Variants in EFR3B observed in about 807,000 individuals in gnomAD.
EFR3B encodes the protein protein EFR3 homolog B.
EFR3B carries 64 observed loss-of-function variants against 104.7 expected under a neutral mutation model. The ratio of observed to expected loss-of-function variants is 0.61; its 90% CI spans 0.50 to 0.75. The LOEUF is 0.75. Among genes scored for constraint, EFR3B ranks in the 30% least tolerant of loss-of-function variants. The pLI, the probability that EFR3B is intolerant of heterozygous loss-of-function variation, is 0.00. For missense variants in EFR3B, 750 were observed against 1,078.5 expected, an observed-to-expected ratio of 0.70 and a Z score of 4.27; for synonymous variants, 385 against 417.9, an observed-to-expected ratio of 0.92 and a Z score of 0.96.
intron 10 of EFR3B, among the ~76,000 whole-genome samples, chr2:25,132,644 C>G (rs571648408): frequency 4.0e-5 from 6 of 151,896 alleles, no homozygotes; most frequent in Admixed American, 6.6e-5. Flanking sequence ...ATCCCCACCC[C>G]CTAGCCAAGG....
In EFR3B at chr2:25,136,467, T is replaced by G; in HGVS notation, c.1485-56T>G. The G allele has an allele frequency of 2.3e-5, 33 of 1,423,158 alleles. No individual in the cohort carries two copies. The highest frequency in any genetic ancestry group is 3.0e-5 in the Non-Finnish European group (31 of 1,032,644). 88.2% of individuals were successfully genotyped at this position (1,423,158 alleles called of 1,614,324 possible). The stretch of plus-strand genomic sequence containing the variant: ...GGGGATAAAGCTCAGTGACCCCGTG[T>G]GAGCTCAGGCTGGCCTCATGCAAGG... On this transcript the variant is annotated intron_variant, in intron 13 of 22. Transcript: ENST00000403714. The surrounding 1 kb of genome is among the most constrained non-coding windows in gnomAD (Gnocchi z 4.0).
At chr2:25,122,798 G>A (rs1670051178) in intron 5 of EFR3B, among the ~76,000 whole-genome samples, 1 of 151,930 alleles carries the variant, frequency 6.6e-6, no homozygotes, top group South Asian at 2.1e-4. Context: ...TGTGTTTCTT[G>A]TTCACCACCT....
intron 3 of EFR3B, among the ~76,000 whole-genome samples, chr2:25,100,651 C>G (rs1669406951): frequency 6.6e-6 from 1 of 152,194 alleles, no homozygotes; most frequent in Non-Finnish European, 1.5e-5. Flanking sequence ...TGCCACCGCG[C>G]CTGGCTAATT....
intron 1 of EFR3B, among the ~76,000 whole-genome samples, chr2:25,061,918 G>A (rs774922852): frequency 6.6e-6 from 1 of 152,104 alleles, no homozygotes; most frequent in Non-Finnish European, 1.5e-5. Context: ...CTAGGTGGAA[G>A]GATCATGGAT....
At chr2:25,059,956 T>A (rs1164699034) in intron 1 of EFR3B, among the ~76,000 whole-genome samples, 1 of 150,284 alleles carries the variant, frequency 6.7e-6, no homozygotes, top group African/African-American at 2.5e-5. Flanking sequence ...CCCAGCACTT[T>A]GGGAGGCTGA....
chr2:25,130,190 G>T lies in EFR3B; in HGVS notation c.770+81G>T. The T allele has an allele frequency of 6.5e-7, 1 of 1,536,210 alleles. No homozygotes were observed. Among genetic ancestry groups the T allele is most frequent in the Non-Finnish European group, 8.8e-7 (1 of 1,136,532 alleles). ...GTCCCTGGCATCTCCTGGCTGGCTG[G>T]GGGGAAGGGGATATTACAGTTGTGG... On this transcript the variant is annotated intron_variant, in intron 7 of 22. Coordinates refer to ENST00000403714, the MANE Select transcript of EFR3B (RefSeq NM_014971.2). This position sits in a 1 kb window ranked among gnomAD's most constrained non-coding sequence, Gnocchi z 4.6.
intron 1 of EFR3B, chr2:25,080,116 A>G: frequency 1.9e-6 from 2 of 1,030,140 alleles, no homozygotes; most frequent in Non-Finnish European, 3.1e-6. Context: ...TACTGCCGTG[A>G]CTATACCCTG....
intron 1 of EFR3B, chr2:25,080,896 C>T: frequency 1.3e-6 from 1 of 792,162 alleles, no homozygotes; most frequent in Non-Finnish European, 2.3e-6. Flanking sequence ...ACCATGTTTT[C>T]TGCTGCGGAA....
chr2:25,117,615 G>A (rs1573214743), intron 4 of EFR3B, among the ~76,000 whole-genome samples: 2 of 152,158 alleles, frequency 1.3e-5, no homozygotes, highest in Admixed American at 6.5e-5. Flanking sequence ...GTTTCTCCGT[G>A]TGGGCAGGCT....
intron 1 of EFR3B, among the ~76,000 whole-genome samples, chr2:25,078,415 A>G (rs1668694126): frequency 2.0e-5 from 3 of 152,238 alleles, no homozygotes; most frequent in African/African-American, 7.2e-5. Flanking sequence ...GAAGATTGCA[A>G]AGCTGAGAAA....
chr2:25,073,167 G>T (rs1460545486), intron 1 of EFR3B, among the ~76,000 whole-genome samples: 3 of 152,112 alleles, frequency 2.0e-5, no homozygotes, highest in African/African-American at 7.2e-5. Context: ...CCAGGGAGCT[G>T]CCAGTTATGG....
At chr2:25,056,966 A>G (rs767370135) in intron 1 of EFR3B, among the ~76,000 whole-genome samples, 1 of 152,142 alleles carries the variant, frequency 6.6e-6, no homozygotes, top group African/African-American at 2.4e-5. Context: ...CAGTTTCACC[A>G]TCCGTAAACT....
intron 1 of EFR3B, among the ~76,000 whole-genome samples, chr2:25,089,004 C>T (rs969867847): frequency 1.3e-5 from 2 of 152,150 alleles, no homozygotes; most frequent in South Asian, 2.1e-4. Context: ...TGTGTGGTGG[C>T]GGCTCCTGGA....
chr2:25,129,883 C>G (rs1670281107), intron 6 of EFR3B, 92 bp from the exon 7 acceptor site: 6 of 1,478,580 alleles, frequency 4.1e-6, no homozygotes, highest in Non-Finnish European at 5.4e-6. Flanking sequence ...TCCTGCTTGT[C>G]TTGTGTGGAT....
At chr2:25,146,061 C>T (rs913943525) in intron 19 of EFR3B, 1 of 151,362 alleles carries the variant, frequency 6.6e-6, no homozygotes, top group Admixed American at 6.7e-5. Flanking sequence ...CATCTCTCCC[C>T]TAACCACTGA....
rs767559729 is a variant in EFR3B at position 25,142,944 on chromosome 2, T to TA, written c.1923-770dup. ...GGAAACACAGTGAGGACCCTGTCTT[T>TA]AAAAAAAAAAAAAAAAAAAAAGGCT... is the stretch of plus-strand genomic sequence containing the variant. On this transcript the variant is annotated intron_variant, in intron 17 of 22. Coordinates refer to ENST00000403714, the MANE Select transcript of EFR3B (RefSeq NM_014971.2). Among the ~76,000 whole-genome samples the TA allele has an allele frequency of 9.0e-3, 983 of 109,258 alleles. 9 individuals carry two copies. The highest frequency in any genetic ancestry group is 0.018 in the African/African-American group (521 of 29,136). The allele number at this position is 109,258 out of a possible 152,430, so 71.7% of individuals were successfully genotyped here.
At position 25,050,027 on chromosome 2, in the gene EFR3B, G is replaced by A. The variant is rs140132415; in HGVS notation, c.7+7708G>A. On this transcript the variant is annotated intron_variant, in intron 1 of 22. Coordinates refer to ENST00000403714, the MANE Select transcript of EFR3B (RefSeq NM_014971.2). ...TGCCTATAATCCCAGCTACTTGGGA[G>A]GCTGAGGTAGGAGAATCACTTCAAC... 8.4e-4 allele frequency among the ~76,000 whole-genome samples: 128 copies of A among 151,976 alleles called. 3 individuals are homozygous for A. In the East Asian group the frequency reaches 0.018, roughly 21 times the overall value.
At chr2:25,090,989 A>C (rs2149184466) in intron 1 of EFR3B, among the ~76,000 whole-genome samples, 1 of 152,258 alleles carries the variant, frequency 6.6e-6, no homozygotes, top group East Asian at 1.9e-4. Flanking sequence ...AGGCGGGCGC[A>C]GCACCTGACC....
chr2:25,106,320 C>T (rs974731643), intron 4 of EFR3B, among the ~76,000 whole-genome samples: 4 of 152,044 alleles, frequency 2.6e-5, no homozygotes, highest in African/African-American at 7.2e-5. Context: ...GGCAGAGCCT[C>T]GCTGTGTCAC....
Sources: gnomAD v4.1 joint callset for allele counts (sites outside exome capture counted in the v4.1 genomes callset) on GRCh38, gnomAD v4.1.1 for gene constraint, Gnocchi (gnomAD v3.1) non-coding constraint, MANE v1.5 for transcripts, NCBI Gene and HGNC (gene_info 2026-07-23, HGNC 2026-07-21) for gene names.